Variants in SLCO3A1 observed in about 807,000 individuals in gnomAD.
The protein encoded by SLCO3A1 is PGE1 transporter.
SLCO3A1 carries 27 observed loss-of-function variants against 63.1 expected under a neutral mutation model. The ratio of observed to expected loss-of-function variants is 0.43; its 90% CI spans 0.32 to 0.59. The LOEUF is 0.59. Ranked by LOEUF, SLCO3A1 falls within the 20% of genes least tolerant of loss-of-function variation. The pLI is 0.09. For synonymous variants in SLCO3A1, 473 were observed against 409.9 expected, an observed-to-expected ratio of 1.15 and a Z score of -1.86; for missense variants, 773 against 945.8, an observed-to-expected ratio of 0.82 and a Z score of 2.40.
chr15:92,094,997 A>G lies in SLCO3A1; in HGVS notation c.745+18A>G, dbSNP rs1032993082. The G allele has an allele frequency of 1.3e-6, 2 of 1,509,432 alleles. No individual in the cohort carries two copies. The highest frequency in any genetic ancestry group is 1.7e-4 in the Middle Eastern group (1 of 5,902). 93.5% of individuals were successfully genotyped at this position (1,509,432 alleles called of 1,614,324 possible). A position where few individuals can be genotyped will look rare whatever the true frequency, so the allele number is the denominator to read the frequency against. On this transcript the variant is annotated intron_variant, in intron 3 of 9. Transcript: ENST00000318445. Reference sequence around the variant, plus strand: ...TGACACAAGTAAGGAATATATCTCCATGTCTACCTTCCATCCGCAAGCGTT... The same window carrying G: ...TGACACAAGTAAGGAATATATCTCCGTGTCTACCTTCCATCCGCAAGCGTT...
intron 2 of SLCO3A1, among the ~76,000 whole-genome samples, chr15:92,058,494 A>G (rs1333956318): frequency 3.3e-5 from 5 of 152,056 alleles, no homozygotes; most frequent in African/African-American, 1.2e-4. Context: ...GGTGTCCCGC[A>G]GGGTATGGCT....
rs1026412101 is a variant in SLCO3A1 at position 92,164,323 on chromosome 15, A to G, written c.*1188A>G. On this transcript the variant is annotated 3_prime_UTR_variant, in exon 10 of 10. Coordinates refer to ENST00000318445, the MANE Select transcript of SLCO3A1 (RefSeq NM_013272.4). ...CAATGTGTTACAAGAAGAAAAAAAA[A>G]TGCTTCAAAAAGAGAGTGTATATGC... 30 of 985,134 alleles carry G rather than the reference A, an allele frequency of 3.0e-5. No individual in the cohort carries two copies. The highest frequency in any genetic ancestry group is 5.2e-4 in the Middle Eastern group (1 of 1,914). The allele number at this position is 985,134 out of a possible 1,614,324, so 61.0% of individuals were successfully genotyped here.
chr15:92,011,536 A>G (rs2046368921), intron 2 of SLCO3A1, among the ~76,000 whole-genome samples: 1 of 152,242 alleles, frequency 6.6e-6, no homozygotes, highest in African/African-American at 2.4e-5. Context: ...CCATCTTATC[A>G]GAGAGGCTTA....
chr15:91,887,776 A>G (rs1488526831), intron 1 of SLCO3A1, among the ~76,000 whole-genome samples: 2 of 152,242 alleles, frequency 1.3e-5, no homozygotes, highest in Non-Finnish European at 2.9e-5. Flanking sequence ...TTAAAATATC[A>G]TTCTGCTAGG....
chr15:91,955,989 G>A (rs1900158041), intron 2 of SLCO3A1, among the ~76,000 whole-genome samples: 1 of 152,106 alleles, frequency 6.6e-6, no homozygotes, highest in African/African-American at 2.4e-5. Context: ...AAAAGCAAAA[G>A]CCTCTTGGGA....
chr15:92,085,385 A>C (rs1356150595), intron 2 of SLCO3A1, among the ~76,000 whole-genome samples: 1 of 152,212 alleles, frequency 6.6e-6, no homozygotes, highest in Non-Finnish European at 1.5e-5. Context: ...CTGGGGACCC[A>C]GTTTTGCGTA....
intron 2 of SLCO3A1, among the ~76,000 whole-genome samples, chr15:91,976,287 T>C (rs928087277): frequency 5.9e-5 from 9 of 152,260 alleles, no homozygotes; most frequent in African/African-American, 2.2e-4. Context: ...AACTTTTGTA[T>C]TGACCATGCA....
intron 8 of SLCO3A1, 104 bp from the exon 9 acceptor site, chr15:92,150,846 A>C (rs139783209): frequency 1.4e-6 from 1 of 711,108 alleles, no homozygotes; most frequent in Non-Finnish European, 2.3e-6. Context: ...TAATTTTCTA[A>C]AGAAGAGCTC....
intron 2 of SLCO3A1, among the ~76,000 whole-genome samples, chr15:91,949,451 G>A (rs1478128008): frequency 2.0e-5 from 3 of 152,060 alleles, no homozygotes; most frequent in Non-Finnish European, 2.9e-5. Context: ...TCAACATGGC[G>A]AAACCCCATC....
At chr15:92,115,026 G>A (rs1384005598) in intron 4 of SLCO3A1, among the ~76,000 whole-genome samples, 2 of 151,458 alleles carry the variant, frequency 1.3e-5, no homozygotes, top group East Asian at 3.9e-4. Flanking sequence ...CCCTTCTTGG[G>A]AGCCGTGACA....
chr15:91,887,403 G>A (rs576380458), intron 1 of SLCO3A1, among the ~76,000 whole-genome samples: 1 of 152,158 alleles, frequency 6.6e-6, no homozygotes, highest in East Asian at 1.9e-4. Context: ...TTGCTTGCCT[G>A]CCTGCCTGCA....
chr15:91,974,246 G>A (rs115679097), intron 2 of SLCO3A1, among the ~76,000 whole-genome samples: 1,698 of 108,080 alleles, frequency 0.016, 26 homozygotes, highest in African/African-American at 0.051. Context: ...TGACCTAAAC[G>A]GACACCATTT....
At position 91,865,211 on chromosome 15, in the gene SLCO3A1, G is replaced by C. The variant is rs1298448051; in HGVS notation, c.180+11123G>C. On this transcript the variant is annotated intron_variant, in intron 1 of 9. Transcript: ENST00000318445. The surrounding 1 kb of genome is among the most constrained non-coding windows in gnomAD (Gnocchi z 4.6). ...ACTTTATTTGGGAACAGGAATAAGT[G>C]GGGACTTGACATTTTATTTAAACTT... Among the ~76,000 whole-genome samples the C allele has an allele frequency of 6.6e-6, 1 of 152,192 alleles. No homozygotes were observed. Among genetic ancestry groups the C allele is most frequent in the Non-Finnish European group, 1.5e-5 (1 of 68,030 alleles).
chr15:92,047,610 T>TAAATATATATAATATATATAA (rs374693324), intron 2 of SLCO3A1, among the ~76,000 whole-genome samples: 19 of 36,710 alleles, frequency 5.2e-4, no homozygotes, highest in African/African-American at 1.2e-3. Flanking sequence ...AATATATATA[T>TAAATATATATAATATATATAA]AATATATAAA....
chr15:92,069,240 C>T (rs2047188247), intron 2 of SLCO3A1, among the ~76,000 whole-genome samples: 1 of 152,074 alleles, frequency 6.6e-6, no homozygotes, highest in East Asian at 1.9e-4. Context: ...CCTACAATGC[C>T]CAGAACAGCC....
chr15:92,130,795 GA>G (rs1317986140), intron 7 of SLCO3A1, among the ~76,000 whole-genome samples: 1 of 145,204 alleles, frequency 6.9e-6, no homozygotes, highest in Non-Finnish European at 1.5e-5. Flanking sequence ...AGTATTTTGG[GA>G]AAATGCCAAA....
rs760273166 is a variant in SLCO3A1 at position 91,916,145 on chromosome 15, C to T, written c.333C>T (p.Cys111=). Reference sequence around the variant, plus strand: ...GGCACCGGCCGCGCCTGATCGGCTGCGGCGGCATCGTCATGGCGCTGGGCG... The same window carrying T: ...GGCACCGGCCGCGCCTGATCGGCTGTGGCGGCATCGTCATGGCGCTGGGCG... The part of the protein sequence containing the change: ...ARGHRPRLIG[C]GGIVMALGAL... The change falls in exon 2 of 10, where the codon TGC becomes TGT. Residue 111 remains cysteine, a synonymous_variant. Transcript: ENST00000318445. The surrounding 1 kb of genome is among the most constrained non-coding windows in gnomAD (Gnocchi z 6.2). The T allele has an allele frequency of 4.4e-6, 7 of 1,608,180 alleles. No homozygotes were observed. Among genetic ancestry groups the T allele is most frequent in the African/African-American group, 4.0e-5 (3 of 74,860 alleles).
rs529375843 is a variant in SLCO3A1 at position 92,126,490 on chromosome 15, C to T, written c.1373+231C>T. On this transcript the variant is annotated intron_variant, in intron 6 of 9. Coordinates refer to ENST00000318445, the MANE Select transcript of SLCO3A1 (RefSeq NM_013272.4). ...CACTGGGGGAGAAGAGAAGCCGTTT[C>T]CTCCCTGGCAGACTCACATCGCGAT... Among the ~76,000 whole-genome samples, 5 of 152,274 alleles carry T rather than the reference C, an allele frequency of 3.3e-5. No individual in the cohort carries two copies. The South Asian group carries it at 1.0e-3, about 32-fold the overall frequency.
At chr15:92,155,950 C>A (rs2048365756) in intron 9 of SLCO3A1, among the ~76,000 whole-genome samples, 1 of 152,156 alleles carries the variant, frequency 6.6e-6, no homozygotes, top group South Asian at 2.1e-4. Context: ...AATTTTCCAG[C>A]CTGCCCGCCT....
Sources: gnomAD v4.1 joint callset for allele counts (sites outside exome capture counted in the v4.1 genomes callset) on GRCh38, gnomAD v4.1.1 for gene constraint, Gnocchi (gnomAD v3.1) non-coding constraint, MANE v1.5 for transcripts, NCBI Gene and HGNC (gene_info 2026-07-23, HGNC 2026-07-21) for gene names.